Variants in RAB20 observed in about 807,000 individuals in gnomAD.
The protein encoded by RAB20 is ras-related protein Rab-20.
RAB20 carries 2 observed loss-of-function variants against 3.7 expected under a neutral mutation model. That is an observed-to-expected ratio of 0.54 (90% confidence interval 0.22 to 1.69). RAB20 has a LOEUF of 1.69. Ranked by LOEUF, RAB20 falls within the 40% of genes most tolerant of loss-of-function variation. The pLI is 0.19. For missense variants in RAB20, 276 were observed against 311.9 expected (o/e 0.88, Z 0.87); for synonymous variants, 126 against 130.8 (o/e 0.96, Z 0.25).
chr13:110,542,453 G>T (rs1038634494), intron 1 of RAB20, among the ~76,000 whole-genome samples: 1 of 152,006 alleles, frequency 6.6e-6, no homozygotes. Flanking sequence ...CTGAACCTTC[G>T]TAGCCTTTGA....
chr13:110,552,562 G>A (rs71440071), intron 1 of RAB20, among the ~76,000 whole-genome samples: 1,955 of 150,696 alleles, frequency 0.013, 22 homozygotes, highest in Middle Eastern at 0.024. Flanking sequence ...GCGCGGTGGC[G>A]GGCGCCTGTA....
chr13:110,554,923 GCCA>G (rs1376406755), intron 1 of RAB20, among the ~76,000 whole-genome samples: 18 of 152,102 alleles, frequency 1.2e-4, no homozygotes, highest in Non-Finnish European at 2.5e-4. Flanking sequence ...TAGGTCCTGA[GCCA>G]AGCAGCATCC....
At chr13:110,529,560 C>T (rs565017824) in intron 1 of RAB20, among the ~76,000 whole-genome samples, 2 of 152,288 alleles carry the variant, frequency 1.3e-5, no homozygotes, top group South Asian at 4.2e-4. Context: ...CCCAGGCTGC[C>T]CCAGAAACAG....
intron 1 of RAB20, among the ~76,000 whole-genome samples, chr13:110,546,145 G>A (rs1414209454): frequency 2.0e-5 from 3 of 151,980 alleles, no homozygotes; most frequent in Non-Finnish European, 4.4e-5. Context: ...CAAAAGCTAA[G>A]GGAACCTATG....
At chr13:110,534,672 A>T (rs1884607528) in intron 1 of RAB20, among the ~76,000 whole-genome samples, 1 of 152,070 alleles carries the variant, frequency 6.6e-6, no homozygotes, top group Non-Finnish European at 1.5e-5. Context: ...TCTACTGTGC[A>T]CCCCAGGGGG....
rs138591757 is a variant in RAB20, at chr13:110,546,459, T to C, written c.172+14889A>G. Among the ~76,000 whole-genome samples, 868 of 152,242 alleles carry C rather than the reference T, an allele frequency of 5.7e-3. 9 individuals carry two copies. Among genetic ancestry groups the C allele is most frequent in the African/African-American group, 0.02 (843 of 41,558 alleles). On this transcript the variant is annotated intron_variant, in intron 1 of 1. Transcript: ENST00000267328. ...ACATAAGTCATTTCAAGTTATGCCA[T>C]GAGATGGTAGCGTCCCGAAAGGCAG...
chr13:110,524,916 CA>C (rs1319804317), intron 1 of RAB20, among the ~76,000 whole-genome samples: 1 of 152,250 alleles, frequency 6.6e-6, no homozygotes, highest in African/African-American at 2.4e-5. Flanking sequence ...GCCTGCCCTC[CA>C]GGTTTAAAAC....
intron 1 of RAB20, among the ~76,000 whole-genome samples, chr13:110,547,414 T>C (rs974407419): frequency 6.6e-6 from 1 of 152,186 alleles, no homozygotes; most frequent in Non-Finnish European, 1.5e-5. Flanking sequence ...TTGAAACTGT[T>C]TTTCATTTAC....
chr13:110,529,703 A>G (rs1884496043), intron 1 of RAB20, among the ~76,000 whole-genome samples: 1 of 152,152 alleles, frequency 6.6e-6, no homozygotes, highest in South Asian at 2.1e-4. Context: ...CGGGCCTGAC[A>G]TCATCAGGGC....
At chr13:110,541,745 G>T (rs1370755681) in intron 1 of RAB20, among the ~76,000 whole-genome samples, 1 of 151,956 alleles carries the variant, frequency 6.6e-6, no homozygotes. Flanking sequence ...CCAAATCAGT[G>T]TTCCTTCCAG....
intron 1 of RAB20, among the ~76,000 whole-genome samples, chr13:110,548,314 A>G (rs2139586658): frequency 6.6e-6 from 1 of 151,940 alleles, no homozygotes; most frequent in African/African-American, 2.4e-5. Context: ...TGAAACCCCA[A>G]TTCTACAAAA....
In RAB20 at chr13:110,555,943, C is replaced by T. The variant is rs532485640; in HGVS notation, c.172+5405G>A. On this transcript the variant is annotated intron_variant, in intron 1 of 1. Transcript: ENST00000267328. This position sits in a 1 kb window ranked among gnomAD's most constrained non-coding sequence, Gnocchi z 4.0. ...ATGCCTGCTGGTGTAACCTCAGTGA[C>T]AGGCACCCAAGGCCAGGAGACAATG... 4.9e-4 allele frequency among the ~76,000 whole-genome samples: 75 copies of T among 152,330 alleles called. No individual in the cohort carries two copies. The highest frequency in any genetic ancestry group is 8.7e-4 in the Non-Finnish European group (59 of 68,032).
intron 1 of RAB20, among the ~76,000 whole-genome samples, chr13:110,526,288 G>C (rs1884429851): frequency 6.6e-6 from 1 of 152,236 alleles, no homozygotes; most frequent in African/African-American, 2.4e-5. Flanking sequence ...AGAGAGAGGT[G>C]GCACCCAGGG....
intron 1 of RAB20, among the ~76,000 whole-genome samples, chr13:110,545,938 C>A (rs137864591): frequency 6.6e-6 from 1 of 152,242 alleles, no homozygotes; most frequent in East Asian, 1.9e-4. Context: ...GATCTGACTC[C>A]ACAGAAACAC....
chr13:110,551,858 A>G lies in RAB20; in HGVS notation c.172+9490T>C, dbSNP rs560943340. On this transcript the variant is annotated intron_variant, in intron 1 of 1. Transcript: ENST00000267328. Reference sequence around the variant, plus strand: ...CACTTGAAGAGAACAAGCAGGGACGATATCTTGAGCCCAGGAGTTCAAGAC... The same window carrying G: ...CACTTGAAGAGAACAAGCAGGGACGGTATCTTGAGCCCAGGAGTTCAAGAC... Among the ~76,000 whole-genome samples the G allele has an allele frequency of 4.8e-4, 72 of 150,952 alleles. 1 individual carries two copies. The highest frequency in any genetic ancestry group is 3.4e-3 in the Middle Eastern group (1 of 290).
At position 110,524,105 on chromosome 13, in the gene RAB20, C is replaced by T; in HGVS notation, c.265G>A (p.Val89Met). Residue 89 changes from valine to methionine, a missense_variant, in exon 2 of 2, where the codon GTG (valine) becomes ATG (methionine). Physicochemically the swap from Val to Met is conservative, Grantham distance 21. Transcript: ENST00000267328. Reference protein sequence around the residue: ...TYDVNHRQSLVELEDRFLGLT... With the variant: ...TYDVNHRQSLMELEDRFLGLT... Reference sequence around the variant, plus strand: ...CCCAGGAACCGGTCCTCCAGCTCCACCAGGCTCTGCCGGTGATTCACATCA... The same window carrying T: ...CCCAGGAACCGGTCCTCCAGCTCCATCAGGCTCTGCCGGTGATTCACATCA... 6.2e-7 allele frequency: 1 copy of T among 1,613,130 alleles called. No homozygotes were observed. Among genetic ancestry groups the T allele is most frequent in the Non-Finnish European group, 8.5e-7 (1 of 1,180,012 alleles).
intron 1 of RAB20, among the ~76,000 whole-genome samples, chr13:110,531,005 G>A (rs1054340637): frequency 3.9e-5 from 6 of 152,228 alleles, no homozygotes; most frequent in Non-Finnish European, 7.3e-5. Flanking sequence ...TAACTTCCAC[G>A]ATCCCGTCCT....
At chr13:110,545,672 C>A (rs145223998) in intron 1 of RAB20, among the ~76,000 whole-genome samples, 17 of 152,246 alleles carry the variant, frequency 1.1e-4, no homozygotes, top group South Asian at 2.1e-4. Context: ...CATGGGCCCC[C>A]AGAGCTTGGG....
chr13:110,525,913 G>C (rs894124030), intron 1 of RAB20, among the ~76,000 whole-genome samples: 6 of 152,250 alleles, frequency 3.9e-5, no homozygotes, highest in Non-Finnish European at 7.3e-5. Flanking sequence ...CTTCACAGAC[G>C]CTCCTGGTGA....
Sources: allele counts gnomAD v4.1 joint callset (sites outside exome capture counted in the v4.1 genomes callset), GRCh38; gene constraint gnomAD v4.1.1; non-coding constraint Gnocchi (gnomAD v3.1); transcripts MANE v1.5; gene names NCBI Gene and HGNC (gene_info 2026-07-23, HGNC 2026-07-21).